The following HFM1 variants were observed in gnomAD, a reference collection of about 807,000 sequenced individuals.
HFM1 encodes probable ATP-dependent DNA helicase HFM1.
In HFM1, 169 loss-of-function variants were observed where a neutral mutation model predicts 192.1. The observed-to-expected ratio is 0.88, with a 90% CI of 0.78 to 1.00. The LOEUF (loss-of-function observed/expected upper bound fraction) is 1.00, where lower values mean the gene tolerates loss of function less well. HFM1 is among the 50% of genes least tolerant of loss of function. The pLI is 0.00. For synonymous variants in HFM1, 525 were observed against 537.8 expected (o/e 0.98, Z 0.33); for missense variants, 1,661 against 1,668.0 (o/e 1.00, Z 0.07).
intron 30 of HFM1, among the ~76,000 whole-genome samples, chr1:91,287,330 C>G (rs548827479): frequency 1.3e-5 from 2 of 152,298 alleles, no homozygotes; most frequent in South Asian, 4.1e-4. Flanking sequence ...GGGCAGACTG[C>G]CTCCTCAAGT....
chr1:91,379,221 C>T lies in HFM1; in HGVS notation c.1007-7G>A. On this transcript the variant is annotated splice_polypyrimidine_tract_variant and splice_region_variant and intron_variant, in intron 8 of 38. Transcript: ENST00000370425. Reference sequence around the variant, plus strand: ...AAGGCTTTTATTGGTGCCACTGTAACAATATAAAATATTTACTTTGAACAT... The same window carrying T: ...AAGGCTTTTATTGGTGCCACTGTAATAATATAAAATATTTACTTTGAACAT... 6.3e-7 allele frequency: 1 copy of T among 1,587,442 alleles called. No homozygotes were observed. The highest frequency in any genetic ancestry group is 2.3e-5 in the East Asian group (1 of 44,442).
chr1:91,364,972 A>C (rs1014802867), intron 13 of HFM1, among the ~76,000 whole-genome samples: 6 of 151,940 alleles, frequency 3.9e-5, no homozygotes, highest in Admixed American at 2.6e-4. Context: ...ACATACACAC[A>C]CACATGCACA....
At chr1:91,360,326 G>A (rs1158942428) in intron 13 of HFM1, among the ~76,000 whole-genome samples, 1 of 151,992 alleles carries the variant, frequency 6.6e-6, no homozygotes, top group Non-Finnish European at 1.5e-5. Context: ...AGACACACAG[G>A]CTCAAAATAA....
At chr1:91,336,209 T>C (rs1042636633) in intron 20 of HFM1, among the ~76,000 whole-genome samples, 2 of 148,684 alleles carry the variant, frequency 1.3e-5, no homozygotes, top group African/African-American at 5.0e-5. Context: ...GGCTAAGATC[T>C]ATCTCTATCT....
At chr1:91,378,329 C>A in intron 10 of HFM1, 74 bp downstream of exon 10, 1 of 1,334,204 alleles carries the variant, frequency 7.5e-7, no homozygotes, top group South Asian at 1.3e-5. Context: ...AGTTTGGTTG[C>A]AATGTCTTTT....
chr1:91,317,186 G>A (rs553034071), intron 25 of HFM1, among the ~76,000 whole-genome samples: 163 of 152,186 alleles, frequency 1.1e-3, no homozygotes, highest in African/African-American at 3.7e-3. Flanking sequence ...AGGCCAAGGC[G>A]GGCGGATCAC....
rs201913107 is a variant in HFM1 at position 91,353,235 on chromosome 1, A to C, written c.1729+21T>G. On this transcript the variant is annotated intron_variant, in intron 14 of 38. Coordinates refer to ENST00000370425, the MANE Select transcript of HFM1 (RefSeq NM_001017975.6). The stretch of plus-strand genomic sequence containing the variant: ...TCATCTATATGTGAAAATGCTATTC[A>C]AAAATTATCTCTAAACCTACCTCTC... 1,604 of 1,580,026 alleles carry C rather than the reference A, an allele frequency of 1.0e-3. 2 individuals carry two copies. Among genetic ancestry groups the C allele is most frequent in the Non-Finnish European group, 1.3e-3 (1,530 of 1,151,032 alleles).
chr1:91,401,100 T>C lies in HFM1; in HGVS notation c.-18A>G, dbSNP rs1664261410. 7.0e-7 allele frequency: 1 copy of C among 1,432,740 alleles called. No homozygotes were observed. The highest frequency in any genetic ancestry group is 9.5e-7 in the Non-Finnish European group (1 of 1,049,332). 88.8% of individuals were successfully genotyped at this position (1,432,740 alleles called of 1,614,324 possible). ...TTCAGCATTGTTGAAAACTGGACTT[T>C]GTCATAAATCTACAAAATATGGAAA... On this transcript the variant is annotated 5_prime_UTR_variant, in exon 2 of 39. Transcript: ENST00000370425.
At chr1:91,372,554 A>C (rs1165467476) in intron 13 of HFM1, among the ~76,000 whole-genome samples, 1 of 152,150 alleles carries the variant, frequency 6.6e-6, no homozygotes, top group African/African-American at 2.4e-5. Flanking sequence ...ACATGGACAC[A>C]GGAAGGGGAA....
At chr1:91,321,440 T>C (rs1371329251) in intron 23 of HFM1, among the ~76,000 whole-genome samples, 2 of 81,816 alleles carry the variant, frequency 2.4e-5, no homozygotes, top group East Asian at 6.8e-4. Context: ...TGACACTCTG[T>C]CTCAAAATAA....
At chr1:91,360,709 C>A (rs1354562822) in intron 13 of HFM1, among the ~76,000 whole-genome samples, 4 of 152,164 alleles carry the variant, frequency 2.6e-5, no homozygotes, top group Admixed American at 2.6e-4. Flanking sequence ...CAGATAGCTA[C>A]AGAACTCTCC....
Position 91,378,032 on chromosome 1 carries a change from G to C in HFM1, c.1388C>G (p.Ala463Gly), listed in dbSNP as rs1661107452. 1 of 1,610,638 alleles carries C rather than the reference G, an allele frequency of 6.2e-7. No individual in the cohort carries two copies. Among genetic ancestry groups the C allele is most frequent in the Non-Finnish European group, 8.5e-7 (1 of 1,178,112 alleles). Residue 463 changes from alanine (A) to glycine (G), a missense_variant, in exon 11 of 39, where the codon GCT becomes GGT. Coordinates refer to ENST00000370425, the MANE Select transcript of HFM1 (RefSeq NM_001017975.6). ...FVAVSATIPNAEDIAEWLSDG... is the reference protein window; with the variant it reads ...FVAVSATIPNGEDIAEWLSDG... The stretch of plus-strand genomic sequence containing the variant: ...GTTAAAATTGTAACTCACATCCTCA[G>C]CATTTGGAATTGTTGCAGATACAGC...
At chr1:91,281,161 C>T (rs1330849293) in intron 30 of HFM1, among the ~76,000 whole-genome samples, 7 of 152,190 alleles carry the variant, frequency 4.6e-5, no homozygotes, top group African/African-American at 1.4e-4. Flanking sequence ...AAGCAGAAAT[C>T]ATGGTAACTC....
At chr1:91,292,834 G>A (rs906128909) in intron 30 of HFM1, among the ~76,000 whole-genome samples, 2 of 152,048 alleles carry the variant, frequency 1.3e-5, no homozygotes, top group Admixed American at 6.6e-5. Flanking sequence ...AAAACAGCAT[G>A]GTACTGGTAC....
intron 13 of HFM1, among the ~76,000 whole-genome samples, chr1:91,362,685 A>C (rs1182257208): frequency 2.6e-5 from 4 of 152,318 alleles, no homozygotes; most frequent in Admixed American, 1.3e-4. Context: ...CAGAATCAGA[A>C]AAAAACTATT....
rs765429338 is a variant in HFM1, at chr1:91,266,091, C to G, written c.3900G>C (p.Leu1300Phe). The G allele has an allele frequency of 4.4e-6, 7 of 1,589,720 alleles. No individual in the cohort carries two copies. The highest frequency in any genetic ancestry group is 6.0e-6 in the Non-Finnish European group (7 of 1,173,260). ...GCTTACTTCCCCTGGTACTTGAACT[C>G]AAAGTGTTTCCAAATCCTATGTGAA... The part of the protein sequence containing the change: ...KTKISGFGNT[L>F]SSSTRGSKLP... The change falls in exon 36 of 39, where the codon TTG (leucine) becomes TTC (phenylalanine). Residue 1300 changes from leucine (L) to phenylalanine (F), a missense_variant. By Grantham distance (22) the Leu-to-Phe change is conservative. Transcript: ENST00000370425.
intron 30 of HFM1, among the ~76,000 whole-genome samples, chr1:91,303,961 T>C (rs1016917145): frequency 6.6e-6 from 1 of 152,102 alleles, no homozygotes; most frequent in Non-Finnish European, 1.5e-5. Context: ...TTCTTCCACC[T>C]CACCTTCCAC....
chr1:91,280,951 T>C (rs1374013447), intron 30 of HFM1, among the ~76,000 whole-genome samples: 5 of 152,216 alleles, frequency 3.3e-5, no homozygotes, highest in African/African-American at 9.6e-5. Context: ...TAGGGACTGG[T>C]TGACCATGTG....
chr1:91,403,964 T>C (rs974333433), intron 1 of HFM1, among the ~76,000 whole-genome samples: 7 of 152,202 alleles, frequency 4.6e-5, no homozygotes, highest in East Asian at 3.9e-4. Flanking sequence ...CTCAGAAACA[T>C]ACTCCTTATT....
Sources: gnomAD v4.1 joint callset for allele counts (sites outside exome capture counted in the v4.1 genomes callset) on GRCh38, gnomAD v4.1.1 for gene constraint, MANE v1.5 for transcripts, NCBI Gene and HGNC (gene_info 2026-07-23, HGNC 2026-07-21) for gene names.